Variants in C12orf57 observed in about 807,000 individuals in gnomAD.
The protein encoded by C12orf57 is protein C10.
A neutral mutation model predicts 11.3 loss-of-function variants in C12orf57; 14 were observed. The ratio of observed to expected loss-of-function variants is 1.24; its 90% CI spans 0.82 to 1.94. The LOEUF (loss-of-function observed/expected upper bound fraction) is 1.94, where lower values mean the gene tolerates loss of function less well. Ranked by LOEUF, C12orf57 falls within the 30% of genes most tolerant of loss-of-function variation. The probability of loss-of-function intolerance (pLI) is 0.00; values close to 1 mark genes in which losing one functional copy is unlikely to be tolerated. For missense variants in C12orf57, 229 were observed against 172.4 expected (o/e 1.33, Z -1.84); for synonymous variants, 100 against 74.6 (o/e 1.34, Z -1.76).
At chr12:6,944,954 C>T (rs2138238627) in intron 2 of C12orf57, 1 of 1,062,478 alleles carries the variant, frequency 9.4e-7, no homozygotes, top group Admixed American at 3.5e-5. Context: ...GGGGATGGGA[C>T]CTAAATCTGA....
upstream of C12orf57, chr12:6,943,936 T>A (rs782644110): frequency 1.5e-5 from 21 of 1,390,790 alleles, no homozygotes; most frequent in African/African-American, 5.8e-5. Context: ...TTATGGGTAG[T>A]TTTGGTGGTC....
At position 6,944,117 on chromosome 12, in the gene C12orf57, G is replaced by C. The variant is rs373573883; in HGVS notation, c.-5G>C. ...CTCCGCTGAACCTAGAGCTTCAGAC[G>C]CCCTATGGCGTCCGCCTCGACCCAA... is the stretch of plus-strand genomic sequence containing the variant. On this transcript the variant is annotated 5_prime_UTR_variant, in exon 1 of 3. Coordinates refer to ENST00000229281, the MANE Select transcript of C12orf57 (RefSeq NM_138425.4). The C allele has an allele frequency of 5.3e-5, 86 of 1,614,068 alleles. No homozygotes were observed. The highest frequency in any genetic ancestry group is 6.9e-5 in the Non-Finnish European group (81 of 1,180,020).
upstream of C12orf57, chr12:6,943,478 T>C (rs1276634094): frequency 8.7e-6 from 11 of 1,261,620 alleles, no homozygotes; most frequent in African/African-American, 3.1e-5. Context: ...CGCTCATCAA[T>C]AGACAAGGCC....
At chr12:6,943,847 TAGGC>T, upstream of C12orf57, 2 of 901,134 alleles carry the variant, frequency 2.2e-6, no homozygotes, top group Non-Finnish European at 1.6e-6. Context: ...ATTTGTCTAG[TAGGC>T]TTTCTGGCTT....
chr12:6,944,278 TG>T (rs1705511125), intron 1 of C12orf57, 105 bp downstream of exon 1: 2 of 1,601,770 alleles, frequency 1.2e-6, no homozygotes, highest in Non-Finnish European at 1.7e-6. Context: ...GCGACAAACC[TG>T]GCTACGTCCG....
chr12:6,944,067 C>CT lies in C12orf57; in HGVS notation c.-52dup. On this transcript the variant is annotated 5_prime_UTR_variant, in exon 1 of 3. Transcript: ENST00000229281. The stretch of plus-strand genomic sequence containing the variant: ...TTGGGAACGGTTGTAGGACGTGGCT[C>CT]TTTATTCGTGAGTTTTCCATTTACC... 1 of 1,613,454 alleles carries CT rather than the reference C, an allele frequency of 6.2e-7. No homozygotes were observed. Among genetic ancestry groups the CT allele is most frequent in the South Asian group, 1.1e-5 (1 of 91,066 alleles).
At chr12:6,944,900 G>C in intron 2 of C12orf57, 1 of 1,385,730 alleles carries the variant, frequency 7.2e-7, no homozygotes, top group Non-Finnish European at 9.3e-7. Context: ...AGTGTTTCGG[G>C]TTTTTTCAGA....
rs782446700 is a variant in C12orf57 at position 6,944,169 on chromosome 12, A to G, written c.48A>G (p.Ala16=). The change falls in exon 1 of 3, where the codon GCA becomes GCG. Residue 16 remains alanine, a synonymous_variant. Coordinates refer to ENST00000229281, the MANE Select transcript of C12orf57 (RefSeq NM_138425.4). ...TQPAALSAEQ[A]KVVLAEVIQA... ...CGGCGGCCTTGAGCGCTGAGCAAGC[A>G]AAGGGTGAGAATCGTCCTAGTCAAG... is the stretch of plus-strand genomic sequence containing the variant. 2.3e-5 allele frequency: 37 copies of G among 1,614,186 alleles called. No individual in the cohort carries two copies. Among genetic ancestry groups the G allele is most frequent in the East Asian group, 4.5e-5 (2 of 44,886 alleles).
At chr12:6,944,939 TCTTGGGGG>T in intron 2 of C12orf57, 1 of 1,205,880 alleles carries the variant, frequency 8.3e-7, no homozygotes, top group South Asian at 2.0e-5. Flanking sequence ...TACATGGATA[TCTTGGGGG>T]ATGGGACCTA....
At chr12:6,943,999 T>TA (rs1945710515), upstream of C12orf57, 1 of 1,591,008 alleles carries the variant, frequency 6.3e-7, no homozygotes, top group Non-Finnish European at 8.5e-7. Context: ...CCTGGGCGCT[T>TA]CCGGCTGCGC....
chr12:6,944,123 TG>T lies in C12orf57; in HGVS notation c.4del (p.Ala2?), dbSNP rs1359105410. On this transcript the variant is annotated frameshift_variant and start_lost, in exon 1 of 3. Coordinates refer to ENST00000229281, the MANE Select transcript of C12orf57 (RefSeq NM_138425.4). LOFTEE classifies it high-confidence loss of function. ...TGAACCTAGAGCTTCAGACGCCCTA[TG>T]GCGTCCGCCTCGACCCAACCGGCGG... [M>X]ASASTQPAAL... 1.9e-6 allele frequency: 3 copies of T among 1,614,102 alleles called. No individual in the cohort carries two copies. The African/African-American group carries it at 4.0e-5, about 22-fold the overall frequency.
In C12orf57 at chr12:6,945,795, T is replaced by G; in HGVS notation, c.254T>G (p.Val85Gly). 1.9e-6 allele frequency: 3 copies of G among 1,613,776 alleles called. No homozygotes were observed. The highest frequency in any genetic ancestry group is 2.5e-6 in the Non-Finnish European group (3 of 1,179,896). Residue 85 changes from valine (V) to glycine (G), a missense_variant, in exon 3 of 3, where the codon GTC (valine) becomes GGC (glycine). Val to Gly is a moderately radical substitution (Grantham distance 109). Transcript: ENST00000229281. ...GEGVLKFARL[V>G]KSYEAQDPEI... is the part of the protein sequence containing the mutation. ...GGTGTCCTTAAGTTTGCTCGCTTGG[T>G]CAAGTCCTACGAAGCCCAGGATCCT...
upstream of C12orf57, chr12:6,943,638 C>T: frequency 1.6e-6 from 2 of 1,288,778 alleles, no homozygotes; most frequent in South Asian, 1.2e-5. Flanking sequence ...CAAATGTTCG[C>T]GAACTCTAGA....
intron 1 of C12orf57, 103 bp from the exon 2 acceptor site, chr12:6,944,373 C>T (rs1260077094): frequency 3.0e-5 from 46 of 1,555,822 alleles, no homozygotes; most frequent in Non-Finnish European, 3.6e-5. Context: ...TATTGGGTTA[C>T]CTACAGCCTC....
At position 6,945,815 on chromosome 12, in the gene C12orf57, G is replaced by A; in HGVS notation, c.274G>A (p.Asp92Asn). The change falls in exon 3 of 3, where the codon GAT becomes AAT. Residue 92 changes from aspartate to asparagine, a missense_variant. Asp to Asn is a conservative substitution (Grantham distance 23, BLOSUM62 1). Transcript: ENST00000229281. ...ARLVKSYEAQ[D>N]PEIASLSGKL... is the part of the protein sequence containing the mutation. ...CTTGGTCAAGTCCTACGAAGCCCAGGATCCTGAGATCGCCAGCCTGTCAGG... is the reference window on the plus strand; with the variant it reads ...CTTGGTCAAGTCCTACGAAGCCCAGAATCCTGAGATCGCCAGCCTGTCAGG... The A allele has an allele frequency of 1.2e-6, 2 of 1,613,886 alleles. No homozygotes were observed. Among genetic ancestry groups the A allele is most frequent in the Non-Finnish European group, 8.5e-7 (1 of 1,179,920 alleles).
intron 1 of C12orf57, 21 bp downstream of exon 1, chr12:6,944,194 G>C: frequency 6.4e-7 from 1 of 1,565,970 alleles, no homozygotes; most frequent in Non-Finnish European, 8.8e-7. Flanking sequence ...TCCTAGTCAA[G>C]GCATAGGCTG....
At chr12:6,945,398 T>C (rs78163811) in intron 2 of C12orf57, among the ~76,000 whole-genome samples, 1 of 152,270 alleles carries the variant, frequency 6.6e-6, no homozygotes, top group African/African-American at 2.4e-5. Flanking sequence ...TTTGGTGAGA[T>C]CCTGGTGTTC....
In C12orf57 at chr12:6,945,971, T is replaced by G. The variant is rs1429371487; in HGVS notation, c.*49T>G. On this transcript the variant is annotated 3_prime_UTR_variant, in exon 3 of 3. Coordinates refer to ENST00000229281, the MANE Select transcript of C12orf57 (RefSeq NM_138425.4). ...TGCCAGGGGAGGAAAGGCCTTGATG[T>G]TCCAGACAATAATAAATGCGCCTGT... The G allele has an allele frequency of 6.3e-7, 1 of 1,575,982 alleles. No individual in the cohort carries two copies. The highest frequency in any genetic ancestry group is 8.6e-7 in the Non-Finnish European group (1 of 1,164,720).
intron 1 of C12orf57, 120 bp downstream of exon 1, chr12:6,944,293 G>A (rs1488897093): frequency 1.3e-6 from 2 of 1,595,886 alleles, no homozygotes; most frequent in East Asian, 2.2e-5. Flanking sequence ...ACGTCCGCCG[G>A]GAAAATGGGG....
Sources: gnomAD v4.1 joint callset for allele counts (sites outside exome capture counted in the v4.1 genomes callset) on GRCh38, gnomAD v4.1.1 for gene constraint, MANE v1.5 for transcripts, NCBI Gene and HGNC (gene_info 2026-07-23, HGNC 2026-07-21) for gene names.